The following MAU2 variants were observed in gnomAD, a reference collection of about 807,000 sequenced individuals.
The protein encoded by MAU2 is MAU2 chromatid cohesion factor homolog.
In MAU2, 9 loss-of-function variants were observed where a neutral mutation model predicts 89.1. That is an observed-to-expected ratio of 0.10 (90% confidence interval 0.06 to 0.18). The LOEUF (loss-of-function observed/expected upper bound fraction) is 0.18, where lower values mean the gene tolerates loss of function less well. Among genes scored for constraint, MAU2 ranks in the 10% least tolerant of loss-of-function variants. MAU2 has a pLI of 1.00. For synonymous variants in MAU2, 357 were observed against 343.4 expected, an observed-to-expected ratio of 1.04 and a Z score of -0.44; for missense variants, 425 against 803.5, an observed-to-expected ratio of 0.53 and a Z score of 5.69.
chr19:19,342,223 G>T (rs2061655284), intron 7 of MAU2, among the ~76,000 whole-genome samples: 1 of 152,162 alleles, frequency 6.6e-6, no homozygotes, highest in Admixed American at 6.5e-5. Flanking sequence ...GCCGTCTCAG[G>T]TCTGGCTGCG....
intron 1 of MAU2, among the ~76,000 whole-genome samples, 197 bp from the exon 2 acceptor site, chr19:19,335,521 G>A (rs944838662): frequency 1.3e-5 from 2 of 152,130 alleles, no homozygotes; most frequent in South Asian, 2.1e-4. Context: ...ACCCACTGGG[G>A]CTCTATAGCT....
chr19:19,345,226 C>A lies in MAU2; in HGVS notation c.1156-78C>A. 1.5e-6 allele frequency: 2 copies of A among 1,316,000 alleles called. No homozygotes were observed. Among genetic ancestry groups the A allele is most frequent in the Non-Finnish European group, 2.2e-6 (2 of 911,828 alleles). The allele number at this position is 1,316,000 out of a possible 1,614,324, so 81.5% of individuals were successfully genotyped here. On this transcript the variant is annotated intron_variant, in intron 11 of 18. Transcript: ENST00000262815. This position sits in a 1 kb window ranked among gnomAD's most constrained non-coding sequence, Gnocchi z 4.9. The stretch of plus-strand genomic sequence containing the variant: ...TACTCCTCCAGGGCAGCCGTGCAGG[C>A]CCCGGGCACACCACGTGTCTCTGAT...
chr19:19,335,957 G>A (rs2061593155), intron 2 of MAU2, among the ~76,000 whole-genome samples, 165 bp from the exon 3 acceptor site: 1 of 152,060 alleles, frequency 6.6e-6, no homozygotes, highest in African/African-American at 2.4e-5. Context: ...GCCCTGCCCT[G>A]CAGCAAGCTC....
intron 16 of MAU2, chr19:19,353,901 C>G (rs552295491): frequency 1.0e-5 from 2 of 194,832 alleles, no homozygotes; most frequent in African/African-American, 4.6e-5. Flanking sequence ...GCTGGTGCCC[C>G]CAGAGCCCCT....
intron 16 of MAU2, 93 bp from the exon 17 acceptor site, chr19:19,354,262 G>A: frequency 1.1e-6 from 1 of 910,234 alleles, no homozygotes; most frequent in Non-Finnish European, 1.8e-6. Context: ...GGGTTCAGTA[G>A]GTGGGTTCCA....
At chr19:19,344,059 G>A (rs562134479) in intron 10 of MAU2, 119 bp downstream of exon 10, 9 of 785,750 alleles carry the variant, frequency 1.1e-5, no homozygotes, top group African/African-American at 8.5e-5. Context: ...CTGCTGTCTC[G>A]CTGTCGGCCA....
Position 19,345,623 on chromosome 19 carries a change from C to T in MAU2, c.1221+254C>T, listed in dbSNP as rs2061687168. ...ACGTGAGGGAGAGGTGCGACGCGTC[C>T]GGGGACACCACTTTCATGCCTGAGT... is the stretch of plus-strand genomic sequence containing the variant. On this transcript the variant is annotated intron_variant, in intron 12 of 18. Coordinates refer to ENST00000262815, the MANE Select transcript of MAU2 (RefSeq NM_015329.4). This position sits in a 1 kb window ranked among gnomAD's most constrained non-coding sequence, Gnocchi z 4.9. Among the ~76,000 whole-genome samples, 1 of 152,252 alleles carries T rather than the reference C, an allele frequency of 6.6e-6. No homozygotes were observed. Among genetic ancestry groups the T allele is most frequent in the Admixed American group, 6.5e-5 (1 of 15,288 alleles).
At position 19,355,266 on chromosome 19, in the gene MAU2, C is replaced by T. The variant is rs1484905497; in HGVS notation, c.1642C>T (p.Leu548=). ...QLWSSALLRD[L]NKACGNAMDA... ...CCATGCTCATGTCCCACTCTCAGACCTGAATAAAGCCTGTGGGAACGCCAT... is the reference window on the plus strand; with the variant it reads ...CCATGCTCATGTCCCACTCTCAGACTTGAATAAAGCCTGTGGGAACGCCAT... The change falls in exon 18 of 19, where the codon CTG becomes TTG. Residue 548 remains leucine, a splice_region_variant and synonymous_variant. Transcript: ENST00000262815. 3 of 1,613,888 alleles carry T rather than the reference C, an allele frequency of 1.9e-6. No individual in the cohort carries two copies. In the African/African-American group the frequency reaches 4.0e-5, roughly 22 times the overall value.
intron 7 of MAU2, among the ~76,000 whole-genome samples, chr19:19,342,191 C>G (rs977831151): frequency 2.6e-5 from 4 of 152,174 alleles, no homozygotes; most frequent in Non-Finnish European, 4.4e-5. Flanking sequence ...CCTCCCACCC[C>G]CTCAGAGCAC....
At chr19:19,348,609 C>A (rs528641750) in intron 13 of MAU2, 2 of 572,756 alleles carry the variant, frequency 3.5e-6, no homozygotes, top group Non-Finnish European at 6.2e-6. Context: ...CCAGGCCAGC[C>A]CCTCAGCACC....
At position 19,333,802 on chromosome 19, in the gene MAU2, C is replaced by CA. The variant is rs200350195; in HGVS notation, c.277-1915dup. Among the ~76,000 whole-genome samples, 377 of 152,364 alleles carry CA rather than the reference C, an allele frequency of 2.5e-3. 2 individuals carry two copies. The South Asian group carries it at 0.03, about 12-fold the overall frequency. On this transcript the variant is annotated intron_variant, in intron 1 of 18. Coordinates refer to ENST00000262815, the MANE Select transcript of MAU2 (RefSeq NM_015329.4). ...GTGACAGAAATGGGGCCAGCTTTGT[C>CA]ACAGGTGCCAGGCTTAGCTGCAGGT...
chr19:19,351,593 T>C (rs1367751211), intron 16 of MAU2, among the ~76,000 whole-genome samples: 1 of 151,730 alleles, frequency 6.6e-6, no homozygotes, highest in Non-Finnish European at 1.5e-5. Flanking sequence ...GGTGGGAGGA[T>C]CACTTGAGCC....
At chr19:19,352,183 C>CT (rs902264291) in intron 16 of MAU2, 67 of 145,532 alleles carry the variant, frequency 4.6e-4, no homozygotes, top group Middle Eastern at 3.5e-3. Flanking sequence ...GTATTGGAAG[C>CT]TTTTTTTTTT....
chr19:19,342,024 C>T (rs2061652524), intron 7 of MAU2, among the ~76,000 whole-genome samples: 1 of 152,174 alleles, frequency 6.6e-6, no homozygotes, highest in Non-Finnish European at 1.5e-5. Flanking sequence ...CCATACCCAT[C>T]GTTGCCCATT....
At chr19:19,340,585 G>A (rs968903761) in intron 5 of MAU2, among the ~76,000 whole-genome samples, 2 of 151,534 alleles carry the variant, frequency 1.3e-5, no homozygotes, top group African/African-American at 4.9e-5. Flanking sequence ...CTTGCAGTGA[G>A]CTGAGACCGC....
At position 19,355,878 on chromosome 19, in the gene MAU2, T is replaced by A; in HGVS notation, c.*96T>A. 1 of 1,165,894 alleles carries A rather than the reference T, an allele frequency of 8.6e-7. No individual in the cohort carries two copies. Among genetic ancestry groups the A allele is most frequent in the Non-Finnish European group, 1.3e-6 (1 of 787,682 alleles). 72.2% of individuals were successfully genotyped at this position (1,165,894 alleles called of 1,614,324 possible). ...CTGCCCCCGAGGCGTGCTTCCTTCC[T>A]GATTGTCTCTAGAGCTTCCAAGTCC... On this transcript the variant is annotated 3_prime_UTR_variant, in exon 19 of 19. Coordinates refer to ENST00000262815, the MANE Select transcript of MAU2 (RefSeq NM_015329.4).
intron 13 of MAU2, 54 bp downstream of exon 13, chr19:19,347,420 G>A: frequency 7.0e-7 from 1 of 1,428,656 alleles, no homozygotes; most frequent in Non-Finnish European, 9.9e-7. Context: ...CTTCTTTTTG[G>A]GGAACCAGGG....
intron 1 of MAU2, among the ~76,000 whole-genome samples, chr19:19,335,275 A>C (rs2061587188): frequency 6.6e-6 from 1 of 152,114 alleles, no homozygotes; most frequent in Non-Finnish European, 1.5e-5. Flanking sequence ...CCCAAGACCC[A>C]TTCTCCAGTT....
chr19:19,348,426 TGAG>T (rs938726092), intron 13 of MAU2: 5 of 256,976 alleles, frequency 1.9e-5, no homozygotes, highest in Non-Finnish European at 3.8e-5. Flanking sequence ...CTCGCAGTGT[TGAG>T]GAGGAGTTTG....
Sources: gnomAD v4.1 joint callset for allele counts (sites outside exome capture counted in the v4.1 genomes callset) on GRCh38, gnomAD v4.1.1 for gene constraint, Gnocchi (gnomAD v3.1) non-coding constraint, MANE v1.5 for transcripts, NCBI Gene and HGNC (gene_info 2026-07-23, HGNC 2026-07-21) for gene names.